The following RNF213 variants were observed in gnomAD, a reference collection of about 807,000 sequenced individuals.
RNF213 encodes E3 ubiquitin-protein ligase RNF213.
RNF213 carries 341 observed loss-of-function variants against 514.4 expected under a neutral mutation model. The observed-to-expected ratio is 0.66, with a 90% CI of 0.61 to 0.73. The LOEUF (loss-of-function observed/expected upper bound fraction) is 0.73. Ranked by LOEUF, RNF213 falls within the 30% of genes least tolerant of loss-of-function variation. The pLI is 0.00. For missense variants in RNF213, 5,767 were observed against 6,615.6 expected (o/e 0.87, Z 4.45); for synonymous variants, 2,655 against 2,658.2 (o/e 1.00, Z 0.04).
At chr17:80,352,372 G>T in intron 32 of RNF213, 1 of 258,738 alleles carries the variant, frequency 3.9e-6, no homozygotes. Flanking sequence ...CTCTTAGCAT[G>T]TAGGTCACAC....
chr17:80,350,098 C>T (rs149867798), intron 30 of RNF213, among the ~76,000 whole-genome samples, 192 bp downstream of exon 30: 2 of 152,286 alleles, frequency 1.3e-5, no homozygotes, highest in Admixed American at 1.3e-4. Flanking sequence ...GGCCTAACAT[C>T]CTCCTCCGAG....
intron 15 of RNF213, among the ~76,000 whole-genome samples, chr17:80,314,022 ATGG>A (rs1214964937): frequency 2.1e-5 from 1 of 46,938 alleles, no homozygotes. Context: ...AATGGAGGTG[ATGG>A]TGGTGGTGGT....
rs559046601 is a variant in RNF213 at position 80,375,774 on chromosome 17, C to A, written c.13089C>A (p.Pro4363=). ...TGATTTTGCAGGCCTGCAAGACCCCCCAAAGCCAGCAGTCAGCCTACTTCC... is the reference window on the plus strand; with the variant it reads ...TGATTTTGCAGGCCTGCAAGACCCCACAAAGCCAGCAGTCAGCCTACTTCC... The part of the protein sequence containing the change: ...IKTALKACKT[P]QSQQSAYFLL... Residue 4363 remains proline (P), a synonymous_variant, in exon 51 of 68, where the codon CCC becomes CCA. Transcript: ENST00000582970. 5 of 1,613,744 alleles carry A rather than the reference C, an allele frequency of 3.1e-6. No homozygotes were observed. The African/African-American group carries it at 4.0e-5, about 13-fold the overall frequency.
At chr17:80,339,054 T>TCTCGGTGGTCGCCGTATCATTAAA in intron 25 of RNF213, 147 bp from the exon 26 acceptor site, 5 of 574,848 alleles carry the variant, frequency 8.7e-6, no homozygotes, top group Non-Finnish European at 1.5e-5. Flanking sequence ...GTTGTGTAGA[T>TCTCGGTGGTCGCCGTATCATTAAA]GAGGAGGGAG....
chr17:80,309,817 G>A (rs1329115565), intron 14 of RNF213, among the ~76,000 whole-genome samples: 2 of 151,752 alleles, frequency 1.3e-5, no homozygotes, highest in Non-Finnish European at 2.9e-5. Context: ...GTGCAGTGGC[G>A]TGATCTCGGC....
chr17:80,385,220 C>A, intron 60 of RNF213, 49 bp downstream of exon 60: 1 of 1,611,746 alleles, frequency 6.2e-7, no homozygotes, highest in South Asian at 1.1e-5. Context: ...TTTGGCGGTT[C>A]GAAAGGATCA....
At chr17:80,388,551 A>G in intron 63 of RNF213, 61 bp from the exon 64 acceptor site, 1 of 1,130,496 alleles carries the variant, frequency 8.8e-7, no homozygotes, top group Non-Finnish European at 1.3e-6. Context: ...TCTGTTTGTC[A>G]TCTGCTGGAA....
chr17:80,363,149 G>C lies in RNF213; in HGVS notation c.11403G>C (p.Ala3801=), dbSNP rs764865975. 1 of 1,614,222 alleles carries C rather than the reference G, an allele frequency of 6.2e-7. No individual in the cohort carries two copies. The highest frequency in any genetic ancestry group is 1.7e-5 in the Admixed American group (1 of 60,026). Residue 3801 remains alanine, a synonymous_variant, in exon 40 of 68, where the codon GCG becomes GCC. Coordinates refer to ENST00000582970, the MANE Select transcript of RNF213 (RefSeq NM_001256071.3). ...CCTGCACTAGGAAACTGAAAGCGGC[G>C]TCAGAAGCGCCCGAGGAAGAGGTTT... The part of the protein sequence containing the change: ...LWSCTRKLKA[A]SEAPEEEVSL...
rs763858520 is a variant in RNF213, at chr17:80,332,269, G to C, written c.3781G>C (p.Glu1261Gln). The C allele has an allele frequency of 2.1e-5, 32 of 1,537,080 alleles. No individual in the cohort carries two copies. The highest frequency in any genetic ancestry group is 2.7e-5 in the Non-Finnish European group (31 of 1,146,918). ...QEAAELLSEP[E>Q]EESERHILEL... is the part of the protein sequence containing the mutation. ...AGCCGCAGAGTTGCTGAGTGAGCCC[G>C]AAGAAGAATCAGAAAGGCACATCCT... Residue 1261 changes from glutamate to glutamine, a missense_variant, in exon 21 of 68, where the codon GAA (glutamate) becomes CAA (glutamine). Around this residue, in one of 13 missense-constraint regions of RNF213, gnomAD observed 516 missense variants for 566.5 expected, o/e 0.91. Coordinates refer to ENST00000582970, the MANE Select transcript of RNF213 (RefSeq NM_001256071.3).
intron 67 of RNF213, among the ~76,000 whole-genome samples, chr17:80,390,423 C>T (rs569269128): frequency 6.6e-6 from 1 of 152,044 alleles, no homozygotes; most frequent in East Asian, 1.9e-4. Flanking sequence ...CCCTGTTACC[C>T]AGGCTGGAGT....
chr17:80,390,736 T>C (rs888193849), intron 67 of RNF213, among the ~76,000 whole-genome samples: 3 of 152,198 alleles, frequency 2.0e-5, no homozygotes, highest in African/African-American at 4.8e-5. Flanking sequence ...AAGTAGACTA[T>C]GTCAAAGAGA....
chr17:80,316,198 G>T (rs988669684), intron 15 of RNF213: 1 of 152,190 alleles, frequency 6.6e-6, no homozygotes. Flanking sequence ...GCTGCAGTGA[G>T]CTATGACTGT....
chr17:80,355,086 G>A, intron 36 of RNF213: 1 of 406,198 alleles, frequency 2.5e-6, no homozygotes. Context: ...GAGGAAGGAG[G>A]GGTGCTCTGG....
intron 2 of RNF213, among the ~76,000 whole-genome samples, chr17:80,265,047 T>G (rs911154872): frequency 1.4e-5 from 2 of 146,988 alleles, no homozygotes; most frequent in Admixed American, 6.7e-5. Context: ...TTTGTTTGTT[T>G]TTTTTTTTTT....
In RNF213 at chr17:80,300,268, G is replaced by GT. The variant is rs1224933054; in HGVS notation, c.2210+1762dup. On this transcript the variant is annotated intron_variant, in intron 11 of 67. Coordinates refer to ENST00000582970, the MANE Select transcript of RNF213 (RefSeq NM_001256071.3). ...ACTGGTGTTAAGATGGTATCTCACT[G>GT]TTTTTTTTTTTTAAGAGACAGAGTC... is the stretch of plus-strand genomic sequence containing the variant. 6.2e-3 allele frequency among the ~76,000 whole-genome samples: 896 copies of GT among 145,170 alleles called. 2 individuals carry two copies. The highest frequency in any genetic ancestry group is 8.7e-3 in the African/African-American group (347 of 39,904).
chr17:80,346,053 C>G lies in RNF213; in HGVS notation c.7718C>G (p.Pro2573Arg), dbSNP rs771921862. ...GTATACCGGGTCCATGCTCTGCCCC[C>G]GAGCCTGATTCCTCTGGTGTGGGAC... The part of the protein sequence containing the change: ...QLVYRVHALP[P>R]SLIPLVWDFG... The change falls in exon 29 of 68, where the codon CCG becomes CGG. Residue 2573 changes from proline to arginine, a missense_variant. Coordinates refer to ENST00000582970, the MANE Select transcript of RNF213 (RefSeq NM_001256071.3). This position sits in a 1 kb window ranked among gnomAD's most constrained non-coding sequence, Gnocchi z 8.1. The G allele has an allele frequency of 6.2e-7, 1 of 1,614,150 alleles. No individual in the cohort carries two copies. The highest frequency in any genetic ancestry group is 2.2e-5 in the East Asian group (1 of 44,884).
chr17:80,308,272 C>T (rs565605601), intron 13 of RNF213, among the ~76,000 whole-genome samples: 2 of 152,080 alleles, frequency 1.3e-5, no homozygotes, highest in Middle Eastern at 3.2e-3. Context: ...GGATCCCCCC[C>T]ACAAGCTCCC....
At chr17:80,360,022 T>C (rs749137021) in intron 37 of RNF213, 39 bp from the exon 38 acceptor site, 11 of 1,610,886 alleles carry the variant, frequency 6.8e-6, no homozygotes, top group Non-Finnish European at 8.5e-7. Context: ...GAGTGACGTC[T>C]CACAAACCCT....
Position 80,376,911 on chromosome 17 carries a change from C to T in RNF213, c.13458C>T (p.Asp4486=). 1 of 1,614,154 alleles carries T rather than the reference C, an allele frequency of 6.2e-7. No homozygotes were observed. The highest frequency in any genetic ancestry group is 8.5e-7 in the Non-Finnish European group (1 of 1,180,014). ...CTTTTCTTCCAACCATGCCTGAAGA[C>T]TTGCTGGCTCAAGCTCGGAGGTGGA... ...AHAFLPTMPE[D]LLAQARRWKG... The change falls in exon 53 of 68, where the codon GAC becomes GAT. Residue 4486 remains aspartate (D), a synonymous_variant. Transcript: ENST00000582970.
Sources: allele counts gnomAD v4.1 joint callset (sites outside exome capture counted in the v4.1 genomes callset), GRCh38; gene constraint gnomAD v4.1.1; regional missense constraint gnomAD v4.1.1; non-coding constraint Gnocchi (gnomAD v3.1); transcripts MANE v1.5; gene names NCBI Gene and HGNC (gene_info 2026-07-23, HGNC 2026-07-21).